CUL3: variants seen among roughly 807,000 people sequenced by gnomAD.
The protein encoded by CUL3 is cullin-3.
CUL3 carries 19 observed loss-of-function variants against 89.1 expected under a neutral mutation model. The ratio of observed to expected loss-of-function variants is 0.21; its 90% CI spans 0.15 to 0.31. The LOEUF is 0.31. Among genes scored for constraint, CUL3 ranks in the 10% least tolerant of loss-of-function variants. The pLI, the probability that CUL3 is intolerant of heterozygous loss-of-function variation, is 1.00. For synonymous variants in CUL3, 351 were observed against 308.4 expected, an observed-to-expected ratio of 1.14 and a Z score of -1.45; for missense variants, 469 against 942.3, an observed-to-expected ratio of 0.50 and a Z score of 6.58.
At chr2:224,490,100 G>A (rs1158162619) in intron 13 of CUL3, among the ~76,000 whole-genome samples, 1 of 152,102 alleles carries the variant, frequency 6.6e-6, no homozygotes, top group East Asian at 1.9e-4. Flanking sequence ...ATGAATAAAA[G>A]CTCATCATCC....
Position 224,561,881 on chromosome 2 carries a change from T to C in CUL3, c.67-4025A>G, listed in dbSNP as rs567121682. Among the ~76,000 whole-genome samples, 6 of 151,360 alleles carry C rather than the reference T, an allele frequency of 4.0e-5. No homozygotes were observed. In the South Asian group the frequency reaches 1.3e-3, roughly 32 times the overall value. ...TCTAATAAAGCAAACTAAGACACTA[T>C]CTCTTGACATTGAGTAACAAATAGA... On this transcript the variant is annotated intron_variant, in intron 1 of 15. Transcript: ENST00000264414.
intron 1 of CUL3, chr2:224,563,121 T>C: frequency 2.6e-6 from 1 of 388,926 alleles, no homozygotes. Flanking sequence ...AATATAGCTT[T>C]TTCAAGCTTA....
At chr2:224,508,838 T>G (rs1300562502) in intron 6 of CUL3, among the ~76,000 whole-genome samples, 1 of 151,588 alleles carries the variant, frequency 6.6e-6, no homozygotes, top group Non-Finnish European at 1.5e-5. Flanking sequence ...GGCGGGAGCC[T>G]GCAGTCCCAG....
rs779838706 is a variant in CUL3 at position 224,535,683 on chromosome 2, C to G, written c.265-42G>C. 4 of 1,185,674 alleles carry G rather than the reference C, an allele frequency of 3.4e-6. No individual in the cohort carries two copies. In the Admixed American group the frequency reaches 6.8e-5, roughly 20 times the overall value. 73.4% of individuals were successfully genotyped at this position (1,185,674 alleles called of 1,614,324 possible). A position where few individuals can be genotyped will look rare whatever the true frequency, so the allele number is the denominator to read the frequency against. ...TCATTAGTTTGCACACACACATCCA[C>G]ACACTCGTATATACAGGCATGCACA... On this transcript the variant is annotated intron_variant, in intron 2 of 15. Coordinates refer to ENST00000264414, the MANE Select transcript of CUL3 (RefSeq NM_003590.5).
chr2:224,487,531 G>A (rs1691779231), intron 13 of CUL3, among the ~76,000 whole-genome samples: 1 of 148,084 alleles, frequency 6.8e-6, no homozygotes, highest in Non-Finnish European at 1.5e-5. Flanking sequence ...ATGGTAAAGG[G>A]ATCAATGCAA....
chr2:224,552,597 C>T (rs1229652423), intron 2 of CUL3, among the ~76,000 whole-genome samples: 1 of 152,202 alleles, frequency 6.6e-6, no homozygotes, highest in East Asian at 1.9e-4. Flanking sequence ...CTGTGTTGCG[C>T]TACTTTACCA....
At chr2:224,576,569 T>G (rs1386799446) in intron 1 of CUL3, among the ~76,000 whole-genome samples, 1 of 151,676 alleles carries the variant, frequency 6.6e-6, no homozygotes, top group Non-Finnish European at 1.5e-5. Context: ...TAGTTTCTCA[T>G]GTAATCAATC....
intron 1 of CUL3, among the ~76,000 whole-genome samples, chr2:224,577,786 G>A (rs1175117958): frequency 2.0e-5 from 3 of 152,116 alleles, no homozygotes; most frequent in Admixed American, 1.3e-4. Flanking sequence ...AAGCATTAAA[G>A]TACTATTTTT....
At chr2:224,546,670 G>GC (rs1553533915) in intron 2 of CUL3, among the ~76,000 whole-genome samples, 3 of 149,356 alleles carry the variant, frequency 2.0e-5, no homozygotes, top group Non-Finnish European at 4.5e-5. Flanking sequence ...AATAGGATGG[G>GC]GGGGGGTACT....
chr2:224,472,419 A>G lies in CUL3; in HGVS notation c.*1826T>C. On this transcript the variant is annotated 3_prime_UTR_variant, in exon 16 of 16. Transcript: ENST00000264414. ...TATCATTTAACTGGGAAATGAAAGC[A>G]ATAAAAAAATTCTCAAACATGAACT... is the stretch of plus-strand genomic sequence containing the variant. 1 of 202,700 alleles carries G rather than the reference A, an allele frequency of 4.9e-6. No individual in the cohort carries two copies. The allele number at this position is 202,700 out of a possible 1,614,324, so 12.6% of individuals were successfully genotyped here. A position where few individuals can be genotyped will look rare whatever the true frequency, so the allele number is the denominator to read the frequency against.
Position 224,585,065 on chromosome 2 carries a change from C to T in CUL3, c.-56G>A. On this transcript the variant is annotated 5_prime_UTR_variant, in exon 1 of 16. An upstream open reading frame in the 5' UTR loses its in-frame stop. Coordinates refer to ENST00000264414, the MANE Select transcript of CUL3 (RefSeq NM_003590.5). ...AGGTCGCGCTCCGCGACGCCGGTGT[C>T]ACATTTAAGGCGGGCAGGCAGGCTA... 4 of 1,403,340 alleles carry T rather than the reference C, an allele frequency of 2.9e-6. No individual in the cohort carries two copies. The highest frequency in any genetic ancestry group is 3.8e-6 in the Non-Finnish European group (4 of 1,047,822). 86.9% of individuals were successfully genotyped at this position (1,403,340 alleles called of 1,614,324 possible). A position where few individuals can be genotyped will look rare whatever the true frequency, so the allele number is the denominator to read the frequency against.
In CUL3 at chr2:224,503,021, T is replaced by C. The variant is rs1692451373; in HGVS notation, c.1429A>G (p.Met477Val). ...TCCATCGTTGTGTTTGAGATGCTCA[T>C]ATCCCTAAACATTCCTTCCAGTTTT... ...TSKLEGMFRD[M>V]SISNTTMDEF... is the part of the protein sequence containing the mutation. The change falls in exon 10 of 16, where the codon ATG becomes GTG. Residue 477 changes from methionine to valine, a missense_variant. Coordinates refer to ENST00000264414, the MANE Select transcript of CUL3 (RefSeq NM_003590.5). 6.2e-7 allele frequency: 1 copy of C among 1,613,954 alleles called. No homozygotes were observed. Among genetic ancestry groups the C allele is most frequent in the Non-Finnish European group, 8.5e-7 (1 of 1,179,926 alleles).
chr2:224,530,248 A>T (rs554543927), intron 3 of CUL3, among the ~76,000 whole-genome samples: 12 of 152,204 alleles, frequency 7.9e-5, no homozygotes, highest in African/African-American at 2.4e-4. Flanking sequence ...CAAAAAAACA[A>T]AACAAAACAA....
intron 13 of CUL3, among the ~76,000 whole-genome samples, chr2:224,487,391 A>G (rs1373639069): frequency 2.7e-5 from 4 of 148,078 alleles, no homozygotes; most frequent in Non-Finnish European, 4.4e-5. Context: ...GCAAAGGCAC[A>G]CACAGGCTCA....
At position 224,524,648 on chromosome 2, in the gene CUL3, G is replaced by A. The variant is rs187371035; in HGVS notation, c.379-9876C>T. On this transcript the variant is annotated intron_variant, in intron 3 of 15. Transcript: ENST00000264414. ...TAAAAGCTAGCCTCAACTAGATCAC[G>A]GTGATCTGACTGTACTTTACCTGCC... Among the ~76,000 whole-genome samples the A allele has an allele frequency of 5.9e-5, 9 of 152,188 alleles. No homozygotes were observed. The East Asian group carries it at 9.7e-4, about 16-fold the overall frequency.
intron 3 of CUL3, among the ~76,000 whole-genome samples, chr2:224,529,305 T>C (rs1319174071): frequency 6.6e-6 from 1 of 152,022 alleles, no homozygotes; most frequent in Non-Finnish European, 1.5e-5. Flanking sequence ...AAGCTAAACA[T>C]GGAGTTATTT....
intron 1 of CUL3, chr2:224,569,787 G>A (rs1695138921): frequency 1.7e-6 from 2 of 1,160,798 alleles, no homozygotes; most frequent in African/African-American, 1.7e-5. Context: ...TACATACAAA[G>A]GACAAGAAGT....
rs191090142 is a variant in CUL3, at chr2:224,571,018, G to A, written c.67-13162C>T. On this transcript the variant is annotated intron_variant, in intron 1 of 15. Transcript: ENST00000264414. ...TGACTTTTGCATATATAGAAAAAAAGGTATGTATAACATTTCAAAATGTGA... is the reference window on the plus strand; with the variant it reads ...TGACTTTTGCATATATAGAAAAAAAAGTATGTATAACATTTCAAAATGTGA... Among the ~76,000 whole-genome samples the A allele has an allele frequency of 7.8e-3, 1,193 of 152,160 alleles. 13 individuals carry two copies. Among genetic ancestry groups the A allele is most frequent in the African/African-American group, 0.027 (1,139 of 41,524 alleles).
chr2:224,533,984 G>C (rs1018600542), intron 3 of CUL3, among the ~76,000 whole-genome samples: 3 of 151,864 alleles, frequency 2.0e-5, no homozygotes, highest in African/African-American at 7.3e-5. Flanking sequence ...ATTCTACCAA[G>C]TAAAAGAAAC....
Sources: allele counts gnomAD v4.1 joint callset (sites outside exome capture counted in the v4.1 genomes callset), GRCh38; gene constraint gnomAD v4.1.1; transcripts MANE v1.5; gene names NCBI Gene and HGNC (gene_info 2026-07-23, HGNC 2026-07-21).